Variants in FANCL observed in about 807,000 individuals in gnomAD.
FANCL encodes the protein FA complementation group L.
In FANCL, 69 loss-of-function variants were observed where a neutral mutation model predicts 59.4. That is an observed-to-expected ratio of 1.16 (90% CI 0.96 to 1.42). The LOEUF (loss-of-function observed/expected upper bound fraction) is 1.42, where lower values mean the gene tolerates loss of function less well. Ranked by LOEUF, FANCL falls within the 40% of genes most tolerant of loss-of-function variation. The pLI is 0.00. For missense variants in FANCL, 519 were observed against 447.2 expected, an observed-to-expected ratio of 1.16 and a Z score of -1.45; for synonymous variants, 180 against 147.1, an observed-to-expected ratio of 1.22 and a Z score of -1.62.
intron 6 of FANCL, 40 bp from the exon 7 acceptor site, chr2:58,198,702 T>G (rs750989355): frequency 1.8e-4 from 268 of 1,491,344 alleles, no homozygotes; most frequent in Non-Finnish European, 2.4e-4. Context: ...TTTGCTTCTG[T>G]GTGTTAATAT....
chr2:58,159,990 T>C lies in FANCL; in HGVS notation c.1092+118A>G, dbSNP rs1684868983. The C allele has an allele frequency of 2.6e-6, 4 of 1,544,576 alleles. No homozygotes were observed. In the South Asian group the frequency reaches 3.7e-5, roughly 14 times the overall value. On this transcript the variant is annotated intron_variant, in intron 13 of 13. Coordinates refer to ENST00000233741, the MANE Select transcript of FANCL (RefSeq NM_018062.4). ...GATCAGAGAATTTGAAAAATAGAAATACAGAGAATGAGTTTCAAAAGTTTT... is the reference window on the plus strand; with the variant it reads ...GATCAGAGAATTTGAAAAATAGAAACACAGAGAATGAGTTTCAAAAGTTTT...
intron 5 of FANCL, among the ~76,000 whole-genome samples, chr2:58,206,225 TAAA>T (rs936204227): frequency 6.6e-6 from 1 of 151,916 alleles, no homozygotes; most frequent in African/African-American, 2.4e-5. Context: ...AATGGAAAAA[TAAA>T]AAAGAAAAGC....
chr2:58,193,628 A>G (rs1264671053), intron 7 of FANCL, among the ~76,000 whole-genome samples: 1 of 152,104 alleles, frequency 6.6e-6, no homozygotes, highest in Non-Finnish European at 1.5e-5. Context: ...AAGCATAAGA[A>G]ATTAACCAAT....
At chr2:58,162,982 T>G (rs1439482957) in intron 10 of FANCL, 35 bp from the exon 11 acceptor site, 1 of 1,612,386 alleles carries the variant, frequency 6.2e-7, no homozygotes, top group East Asian at 2.2e-5. Flanking sequence ...TGCTGTGAAC[T>G]TTGTAAAATC....
intron 11 of FANCL, 152 bp from the exon 12 acceptor site, chr2:58,161,790 ACCTT>A (rs1685220367): frequency 1.6e-6 from 1 of 633,314 alleles, no homozygotes; most frequent in Admixed American, 2.4e-5. Context: ...CTCAACATTT[ACCTT>A]TTATGTTGGG....
At chr2:58,171,776 C>A (rs1259760315) in intron 7 of FANCL, among the ~76,000 whole-genome samples, 1 of 152,174 alleles carries the variant, frequency 6.6e-6, no homozygotes, top group Non-Finnish European at 1.5e-5. Context: ...GTGCAGTGCA[C>A]CATGCGCGAG....
intron 7 of FANCL, among the ~76,000 whole-genome samples, chr2:58,187,519 A>G (rs1020279540): frequency 6.6e-6 from 1 of 152,108 alleles, no homozygotes; most frequent in Non-Finnish European, 1.5e-5. Context: ...TACATATGTA[A>G]CAAACCTGCA....
chr2:58,173,008 G>A (rs1017221089), intron 7 of FANCL, among the ~76,000 whole-genome samples: 12 of 152,224 alleles, frequency 7.9e-5, no homozygotes, highest in South Asian at 6.2e-4. Context: ...CTCAGGAGCC[G>A]ATGCGATCAA....
intron 7 of FANCL, among the ~76,000 whole-genome samples, chr2:58,192,897 T>A (rs1015300819): frequency 2.6e-5 from 4 of 151,860 alleles, no homozygotes; most frequent in African/African-American, 7.2e-5. Flanking sequence ...AAACTTAACT[T>A]CTGAAGCTAT....
chr2:58,221,137 C>T (rs112187740), intron 5 of FANCL, among the ~76,000 whole-genome samples: 13,236 of 151,526 alleles, frequency 0.087, 597 homozygotes, highest in African/African-American at 0.091. Context: ...GGCGTGAACC[C>T]GGGAGGCGGA....
chr2:58,169,484 A>G (rs563623426), intron 7 of FANCL, among the ~76,000 whole-genome samples: 30 of 152,306 alleles, frequency 2.0e-4, no homozygotes, highest in Non-Finnish European at 2.6e-4. Context: ...TCCAAAAACC[A>G]GAACACCTTT....
chr2:58,168,314 G>T (rs1686168726), intron 7 of FANCL, among the ~76,000 whole-genome samples: 1 of 152,262 alleles, frequency 6.6e-6, no homozygotes, highest in East Asian at 1.9e-4. Flanking sequence ...CCAAAGCAGG[G>T]TGGGCTATCA....
chr2:58,238,928 T>C (rs1174346199), intron 1 of FANCL, among the ~76,000 whole-genome samples: 3 of 152,184 alleles, frequency 2.0e-5, no homozygotes, highest in Non-Finnish European at 2.9e-5. Flanking sequence ...ACCTGCTCAC[T>C]GGCCAAATCT....
chr2:58,214,172 T>A (rs905229004), intron 5 of FANCL, among the ~76,000 whole-genome samples: 1 of 152,098 alleles, frequency 6.6e-6, no homozygotes, highest in African/African-American at 2.4e-5. Context: ...TATGTAACAA[T>A]CTTAGTGAAA....
intron 7 of FANCL, among the ~76,000 whole-genome samples, chr2:58,180,895 TTAA>T (rs918827357): frequency 2.6e-5 from 4 of 151,842 alleles, no homozygotes; most frequent in Non-Finnish European, 5.9e-5. Flanking sequence ...AGTACTAATA[TTAA>T]TGAGATAACA....
intron 7 of FANCL, among the ~76,000 whole-genome samples, chr2:58,173,257 C>A (rs942454219): frequency 6.6e-6 from 1 of 152,074 alleles, no homozygotes; most frequent in Non-Finnish European, 1.5e-5. Context: ...GCAAGGCAGG[C>A]CAACATTCAG....
intron 1 of FANCL, among the ~76,000 whole-genome samples, chr2:58,240,946 C>G (rs1694474587): frequency 6.6e-6 from 1 of 152,212 alleles, no homozygotes; most frequent in Non-Finnish European, 1.5e-5. Flanking sequence ...AAGAAGGAAG[C>G]CAAACTCGGG....
intron 7 of FANCL, among the ~76,000 whole-genome samples, chr2:58,166,437 T>A (rs181125107): frequency 1.2e-4 from 19 of 152,346 alleles, no homozygotes; most frequent in African/African-American, 4.6e-4. Context: ...TTTTTCCACA[T>A]TTAACTTTTA....
chr2:58,170,125 G>T (rs1237316324), intron 7 of FANCL, among the ~76,000 whole-genome samples: 1 of 152,120 alleles, frequency 6.6e-6, no homozygotes, highest in African/African-American at 2.4e-5. Context: ...AATGTTAAGG[G>T]CAGCCAGAGA....
Sources: allele counts gnomAD v4.1 joint callset (sites outside exome capture counted in the v4.1 genomes callset), GRCh38; gene constraint gnomAD v4.1.1; transcripts MANE v1.5; gene names NCBI Gene and HGNC (gene_info 2026-07-23, HGNC 2026-07-21).